The following SIPA1L3 variants were observed in gnomAD, a reference collection of about 807,000 sequenced individuals.
SIPA1L3 encodes signal-induced proliferation-associated 1-like protein 3.
SIPA1L3 carries 59 observed loss-of-function variants against 150.1 expected under a neutral mutation model. The ratio of observed to expected loss-of-function variants is 0.39; its 90% confidence interval spans 0.32 to 0.49. The LOEUF (loss-of-function observed/expected upper bound fraction) is 0.49, where lower values mean the gene tolerates loss of function less well. SIPA1L3 is among the 20% of genes least tolerant of loss of function. The probability of loss-of-function intolerance (pLI) is 0.86; values close to 1 mark genes in which losing one functional copy is unlikely to be tolerated. For missense variants in SIPA1L3, 2,211 were observed against 2,489.5 expected, an observed-to-expected ratio of 0.89 and a Z score of 2.38; for synonymous variants, 1,070 against 1,077.6, an observed-to-expected ratio of 0.99 and a Z score of 0.14.
intron 13 of SIPA1L3, 128 bp from the exon 14 acceptor site, chr19:38,162,125 T>G: frequency 1.4e-6 from 1 of 724,726 alleles, no homozygotes; most frequent in Non-Finnish European, 2.5e-6. Flanking sequence ...TACTGAGTGT[T>G]GCACTCCAAG....
At chr19:37,971,409 G>A (rs1200155585) in intron 1 of SIPA1L3, among the ~76,000 whole-genome samples, 1 of 152,078 alleles carries the variant, frequency 6.6e-6, no homozygotes, top group Non-Finnish European at 1.5e-5. Context: ...CCGCTTCCCT[G>A]ATTCTGCCCT....
chr19:38,131,916 G>A (rs1029154878), intron 10 of SIPA1L3, among the ~76,000 whole-genome samples: 3 of 151,876 alleles, frequency 2.0e-5, no homozygotes, highest in Non-Finnish European at 2.9e-5. Flanking sequence ...ACAGGCGTGA[G>A]CCACTGCGTC....
chr19:38,178,544 C>T (rs1972494035), intron 15 of SIPA1L3, among the ~76,000 whole-genome samples: 2 of 152,216 alleles, frequency 1.3e-5, no homozygotes, highest in South Asian at 2.1e-4. Flanking sequence ...GGTGCGATCT[C>T]GGCTCACTGC....
intron 1 of SIPA1L3, among the ~76,000 whole-genome samples, chr19:37,978,695 C>T (rs1967130854): frequency 6.6e-6 from 1 of 152,090 alleles, no homozygotes; most frequent in Admixed American, 6.6e-5. Context: ...AATAAAAAGG[C>T]CAGGCACGGT....
chr19:38,040,831 G>A (rs1320218766), intron 2 of SIPA1L3, among the ~76,000 whole-genome samples: 4 of 152,106 alleles, frequency 2.6e-5, no homozygotes, highest in Admixed American at 2.0e-4. Context: ...CTCAATCTCC[G>A]CTCACTGCAA....
intron 13 of SIPA1L3, among the ~76,000 whole-genome samples, chr19:38,156,172 G>A (rs180853171): frequency 1.1e-3 from 174 of 152,282 alleles, no homozygotes; most frequent in Non-Finnish European, 2.1e-3. Context: ...TCCAGGGTGT[G>A]CGTGGTTTGC....
At chr19:38,035,331 T>C (rs1363318261) in intron 2 of SIPA1L3, among the ~76,000 whole-genome samples, 1 of 152,198 alleles carries the variant, frequency 6.6e-6, no homozygotes, top group African/African-American at 2.4e-5. Context: ...CCTGCTCCTC[T>C]TGCTGGGCAC....
chr19:37,922,490 T>C (rs955838984), intron 1 of SIPA1L3, among the ~76,000 whole-genome samples: 1 of 151,416 alleles, frequency 6.6e-6, no homozygotes, highest in African/African-American at 2.4e-5. Context: ...ATCTCCCGGG[T>C]TCCAGCGATT....
intron 1 of SIPA1L3, among the ~76,000 whole-genome samples, chr19:37,928,001 G>T (rs566408999): frequency 3.3e-5 from 5 of 152,138 alleles, no homozygotes; most frequent in Non-Finnish European, 7.3e-5. Flanking sequence ...ACATGCTATC[G>T]TGAAGAGTGC....
chr19:37,985,524 C>T (rs1967328227), intron 1 of SIPA1L3, among the ~76,000 whole-genome samples: 1 of 152,032 alleles, frequency 6.6e-6, no homozygotes, highest in South Asian at 2.1e-4. Context: ...AGAAACTAAA[C>T]CAGGATAAAG....
At chr19:38,197,879 C>CG (rs1023709535) in intron 18 of SIPA1L3, among the ~76,000 whole-genome samples, 1 of 149,912 alleles carries the variant, frequency 6.7e-6, no homozygotes, top group African/African-American at 2.5e-5. Flanking sequence ...CAAATCCCCC[C>CG]CCAAACACAC....
chr19:38,002,183 G>GA (rs1967821480), intron 1 of SIPA1L3, among the ~76,000 whole-genome samples: 1 of 152,094 alleles, frequency 6.6e-6, no homozygotes, highest in Non-Finnish European at 1.5e-5. Flanking sequence ...CTCTGTCTCT[G>GA]AAAAACAATA....
chr19:38,106,668 T>TCCGGCA, intron 7 of SIPA1L3, 28 bp downstream of exon 7: 1 of 1,499,124 alleles, frequency 6.7e-7, no homozygotes, highest in Non-Finnish European at 9.3e-7. Context: ...GAGGCACGGC[T>TCCGGCA]GCCGGATGTT....
chr19:37,951,589 G>A (rs2046764156), intron 1 of SIPA1L3, among the ~76,000 whole-genome samples: 1 of 151,370 alleles, frequency 6.6e-6, no homozygotes, highest in South Asian at 2.1e-4. Flanking sequence ...ACAGAAGTGG[G>A]AAAAAAAACA....
chr19:37,973,565 G>GGC (rs1555772361), intron 1 of SIPA1L3, among the ~76,000 whole-genome samples: 3 of 142,612 alleles, frequency 2.1e-5, no homozygotes, highest in Admixed American at 6.9e-5. Flanking sequence ...GCGGGAGGGG[G>GGC]GCGCATCTTG....
intron 1 of SIPA1L3, among the ~76,000 whole-genome samples, chr19:37,967,002 G>A (rs913513084): frequency 6.6e-6 from 1 of 152,048 alleles, no homozygotes; most frequent in Non-Finnish European, 1.5e-5. Flanking sequence ...ACCACACCCC[G>A]GTAGCCTAAA....
At chr19:38,184,065 G>T (rs1223699879) in intron 16 of SIPA1L3, among the ~76,000 whole-genome samples, 1 of 152,182 alleles carries the variant, frequency 6.6e-6, no homozygotes, top group Admixed American at 6.5e-5. Context: ...GGATACAGGA[G>T]CTAACATTGC....
chr19:38,052,421 C>T (rs75746941), intron 2 of SIPA1L3, among the ~76,000 whole-genome samples: 5,724 of 152,274 alleles, frequency 0.038, 157 homozygotes, highest in Non-Finnish European at 0.056. Context: ...CAGTGTTGGG[C>T]GGAGGCCTCC....
chr19:38,065,915 C>CTATTTATTTATCTATT, intron 2 of SIPA1L3, among the ~76,000 whole-genome samples: 1 of 127,702 alleles, frequency 7.8e-6, no homozygotes, highest in African/African-American at 3.0e-5. Context: ...ATTTATTTAT[C>CTATTTATTTATCTATT]TATTTATTTA....
Sources: allele counts gnomAD v4.1 joint callset (sites outside exome capture counted in the v4.1 genomes callset), GRCh38; gene constraint gnomAD v4.1.1; transcripts MANE v1.5; gene names NCBI Gene and HGNC (gene_info 2026-07-23, HGNC 2026-07-21).